Variants in SCRG1 observed in about 807,000 individuals in gnomAD.
SCRG1 encodes stimulator of chondrogenesis 1.
A neutral mutation model predicts 7.7 loss-of-function variants in SCRG1; 3 were observed. That is an observed-to-expected ratio of 0.39 (90% CI 0.18 to 1.01). The LOEUF is 1.01. Ranked by LOEUF, SCRG1 falls within the 50% of genes least tolerant of loss-of-function variation. The pLI is 0.36. For missense variants in SCRG1, 110 were observed against 117.2 expected, an observed-to-expected ratio of 0.94 and a Z score of 0.28; for synonymous variants, 46 against 41.2, an observed-to-expected ratio of 1.12 and a Z score of -0.44.
the SCRG1 span, among the ~76,000 whole-genome samples, chr4:173,415,619 G>A: frequency 2.0e-5 from 3 of 152,134 alleles, no homozygotes; most frequent in South Asian, 2.1e-4. Context: ...GTCTCCAAAC[G>A]ACCTTTATTT....
chr4:173,451,109 C>A, the SCRG1 span, among the ~76,000 whole-genome samples: 1 of 152,040 alleles, frequency 6.6e-6, no homozygotes, highest in Non-Finnish European at 1.5e-5. Context: ...CAGCTTTAAG[C>A]TCTCTTTGGT....
At chr4:173,427,501 G>A in the SCRG1 span, among the ~76,000 whole-genome samples, 1 of 152,306 alleles carries the variant, frequency 6.6e-6, no homozygotes, top group South Asian at 2.1e-4. Context: ...TCTGCATCTT[G>A]TCTGAGAGTC....
At chr4:173,409,908 A>G (rs965039864), upstream of SCRG1, among the ~76,000 whole-genome samples, 1 of 152,148 alleles carries the variant, frequency 6.6e-6, no homozygotes, top group Non-Finnish European at 1.5e-5. Context: ...ACTCTTAAGT[A>G]TGCCAATATT....
At chr4:173,416,471 A>G in the SCRG1 span, among the ~76,000 whole-genome samples, 1 of 152,238 alleles carries the variant, frequency 6.6e-6, no homozygotes, top group African/African-American at 2.4e-5. Context: ...TTCAAACTCC[A>G]GTGCCAGGCG....
At chr4:173,430,998 TC>T in the SCRG1 span, among the ~76,000 whole-genome samples, 1 of 152,048 alleles carries the variant, frequency 6.6e-6, no homozygotes, top group East Asian at 1.9e-4. Flanking sequence ...TTGAAAAACT[TC>T]CTAAACTACC....
chr4:173,441,412 A>G, the SCRG1 span, among the ~76,000 whole-genome samples: 5 of 152,300 alleles, frequency 3.3e-5, no homozygotes, highest in South Asian at 1.0e-3. Context: ...TGCTAAATAT[A>G]TATCGCATTA....
At chr4:173,414,550 G>C in the SCRG1 span, among the ~76,000 whole-genome samples, 43 of 152,306 alleles carry the variant, frequency 2.8e-4, no homozygotes, top group Admixed American at 2.6e-3. Context: ...AGGTTACGCT[G>C]CCAAGCACAG....
the SCRG1 span, among the ~76,000 whole-genome samples, chr4:173,501,598 A>T: frequency 6.6e-6 from 1 of 152,006 alleles, no homozygotes; most frequent in Non-Finnish European, 1.5e-5. This position sits in a 1 kb window ranked among gnomAD's most constrained non-coding sequence, Gnocchi z 5.1. Context: ...TGGATTCAGA[A>T]GGGGGGGCCG....
chr4:173,483,159 A>G, the SCRG1 span, among the ~76,000 whole-genome samples: 1 of 73,912 alleles, frequency 1.4e-5, no homozygotes, highest in African/African-American at 5.3e-5. Flanking sequence ...CATATGAAAT[A>G]TATAACATAT....
At chr4:173,419,514 G>A in the SCRG1 span, 2,040 of 740,668 alleles carry the variant, frequency 2.8e-3, 27 homozygotes, top group African/African-American at 0.029. Flanking sequence ...ATTAAGTAGC[G>A]CAGGTCATCT....
rs11302799 is a variant in SCRG1, at chr4:173,386,301, A to ATTTTTTTTTTTTT, written c.*2027_*2039dup. On this transcript the variant is annotated 3_prime_UTR_variant, in exon 3 of 3. Transcript: ENST00000296506. Reference sequence around the variant, plus strand: ...AGGCGCCTGCCACCACGCCCAGCTAATTTTTTTTTTTTTTTTTTTTGTATT... The same window carrying ATTTTTTTTTTTTT: ...AGGCGCCTGCCACCACGCCCAGCTAATTTTTTTTTTTTTTTTTTTTTTTTTTTTTTTTTGTATT... 4 of 117,028 alleles carry ATTTTTTTTTTTTT rather than the reference A, an allele frequency of 3.4e-5. No homozygotes were observed. Among genetic ancestry groups the ATTTTTTTTTTTTT allele is most frequent in the African/African-American group, 1.2e-4 (4 of 32,528 alleles). 7.2% of individuals were successfully genotyped at this position (117,028 alleles called of 1,614,324 possible). A position where few individuals can be genotyped will look rare whatever the true frequency, so the allele number is the denominator to read the frequency against.
chr4:173,405,363 T>G lies in SCRG1; in HGVS notation c.-748+897A>C, dbSNP rs9992138. 1.9e-3 allele frequency among the ~76,000 whole-genome samples: 290 copies of G among 152,336 alleles called. 1 individual carries two copies. Among genetic ancestry groups the G allele is most frequent in the African/African-American group, 6.7e-3 (277 of 41,576 alleles). On this transcript the variant is annotated intron_variant and NMD_transcript_variant, in intron 1 of 8. Transcript: ENST00000512188. ...GAACATACAGGTCAGGAACGTGACT[T>G]ATCACTATTGATTTAACTTCAATCA...
chr4:173,468,121 C>T, the SCRG1 span: 3 of 152,698 alleles, frequency 2.0e-5, no homozygotes, highest in East Asian at 1.9e-4. Flanking sequence ...TTTCCATCAA[C>T]GATGGACCAC....
chr4:173,490,402 C>G, the SCRG1 span, among the ~76,000 whole-genome samples: 1 of 152,198 alleles, frequency 6.6e-6, no homozygotes, highest in Non-Finnish European at 1.5e-5. Context: ...ATTAAGAACA[C>G]TGGATTTCAA....
chr4:173,501,014 G>A, the SCRG1 span, among the ~76,000 whole-genome samples: 1 of 152,216 alleles, frequency 6.6e-6, no homozygotes, highest in Non-Finnish European at 1.5e-5. The surrounding 1 kb of genome is among the most constrained non-coding windows in gnomAD (Gnocchi z 5.1). Context: ...CCCAGAGGCG[G>A]GAGGCTCCCA....
chr4:173,493,177 G>A, the SCRG1 span, among the ~76,000 whole-genome samples: 1 of 152,040 alleles, frequency 6.6e-6, no homozygotes, highest in East Asian at 1.9e-4. Context: ...TCAGGGGAGG[G>A]GCTTGGTAGG....
At chr4:173,481,309 AC>A in the SCRG1 span, among the ~76,000 whole-genome samples, 3 of 152,294 alleles carry the variant, frequency 2.0e-5, no homozygotes, top group African/African-American at 7.2e-5. Context: ...AGTGAAAACA[AC>A]CCTGGTAATC....
the SCRG1 span, among the ~76,000 whole-genome samples, chr4:173,512,453 G>A: frequency 3.3e-5 from 5 of 152,246 alleles, no homozygotes; most frequent in African/African-American, 7.2e-5. Flanking sequence ...CATGGAAGAC[G>A]TGGATACTTA....
the SCRG1 span, among the ~76,000 whole-genome samples, chr4:173,436,356 T>C: frequency 6.6e-6 from 1 of 152,200 alleles, no homozygotes; most frequent in East Asian, 1.9e-4. Context: ...CCATCACTTC[T>C]CTCTGAGTTA....
Sources: gnomAD v4.1 joint callset for allele counts (sites outside exome capture counted in the v4.1 genomes callset) on GRCh38, gnomAD v4.1.1 for gene constraint, Gnocchi (gnomAD v3.1) non-coding constraint, MANE v1.5 for transcripts, NCBI Gene and HGNC (gene_info 2026-07-23, HGNC 2026-07-21) for gene names.